The following ADGRA3 variants were observed in gnomAD, a reference collection of about 807,000 sequenced individuals.
ADGRA3 encodes the protein adhesion G protein-coupled receptor A3, also known as G-protein coupled receptor 125.
A neutral mutation model predicts 119.8 loss-of-function variants in ADGRA3; 56 were observed. The observed-to-expected ratio is 0.47, with a 90% CI of 0.38 to 0.58. The LOEUF (loss-of-function observed/expected upper bound fraction) is 0.58. ADGRA3 is among the 20% of genes least tolerant of loss of function. ADGRA3 has a pLI of 0.00. For missense variants in ADGRA3, 1,516 were observed against 1,649.0 expected (o/e 0.92, Z 1.40); for synonymous variants, 607 against 623.8 (o/e 0.97, Z 0.40).
chr4:22,476,401 A>G (rs1718046288), intron 1 of ADGRA3, among the ~76,000 whole-genome samples: 1 of 152,218 alleles, frequency 6.6e-6, no homozygotes, highest in Non-Finnish European at 1.5e-5. Flanking sequence ...GAGGTCAGTT[A>G]TAAGAAGAGT....
intron 14 of ADGRA3, among the ~76,000 whole-genome samples, chr4:22,403,800 T>C (rs531009786): frequency 1.3e-5 from 2 of 152,202 alleles, no homozygotes; most frequent in Admixed American, 6.5e-5. Context: ...TTATAGAACA[T>C]TAGACATTGA....
intron 1 of ADGRA3, among the ~76,000 whole-genome samples, chr4:22,477,195 TTATA>T (rs1718080417): frequency 6.6e-6 from 1 of 152,114 alleles, no homozygotes; most frequent in African/African-American, 2.4e-5. Flanking sequence ...CAATAAATGT[TTATA>T]TAGTGACTGA....
At chr4:22,470,224 A>C (rs1717809929) in intron 2 of ADGRA3, among the ~76,000 whole-genome samples, 1 of 152,126 alleles carries the variant, frequency 6.6e-6, no homozygotes, top group African/African-American at 2.4e-5. Context: ...TATGTTCAAA[A>C]AGGTGAACCA....
chr4:22,461,905 A>G, intron 2 of ADGRA3, 97 bp from the exon 3 acceptor site: 1 of 707,666 alleles, frequency 1.4e-6, no homozygotes, highest in Non-Finnish European at 2.3e-6. Flanking sequence ...ACAAAAGTAT[A>G]ATAATAAGAG....
chr4:22,420,489 G>A (rs1009584561), intron 12 of ADGRA3: 7 of 209,784 alleles, frequency 3.3e-5, no homozygotes, highest in Admixed American at 1.7e-4. Flanking sequence ...CTTGGCAGGC[G>A]CAGTGCCAAA....
At chr4:22,395,910 T>C (rs537447738) in intron 16 of ADGRA3, among the ~76,000 whole-genome samples, 3 of 152,214 alleles carry the variant, frequency 2.0e-5, no homozygotes, top group African/African-American at 7.2e-5. Flanking sequence ...ATACATCTCT[T>C]GTGCCATTGC....
rs139636913 is a variant in ADGRA3 at position 22,479,900 on chromosome 4, A to G, written c.258-6057T>C. On this transcript the variant is annotated intron_variant, in intron 1 of 18. Coordinates refer to ENST00000334304, the MANE Select transcript of ADGRA3 (RefSeq NM_145290.4). ...CCCAACAAACTAACACAGGAACAGA[A>G]AACCAAATACCTCACGTTCTCACTT... Among the ~76,000 whole-genome samples, 1,393 of 152,268 alleles carry G rather than the reference A, an allele frequency of 9.1e-3. 40 individuals are homozygous for G. The highest frequency in any genetic ancestry group is 0.052 in the East Asian group (268 of 5,164).
intron 10 of ADGRA3, among the ~76,000 whole-genome samples, chr4:22,434,527 A>C (rs531060800): frequency 2.0e-4 from 30 of 152,304 alleles, no homozygotes; most frequent in Admixed American, 1.2e-3. Context: ...CGTGGGCTTC[A>C]GTTTACAACT....
At chr4:22,408,274 A>AAAC (rs1020833857) in intron 14 of ADGRA3, among the ~76,000 whole-genome samples, 1 of 152,038 alleles carries the variant, frequency 6.6e-6, no homozygotes, top group African/African-American at 2.4e-5. Context: ...GCATTAACTA[A>AAAC]AACAACAACA....
At chr4:22,500,841 G>T (rs976458402) in intron 1 of ADGRA3, among the ~76,000 whole-genome samples, 4 of 152,152 alleles carry the variant, frequency 2.6e-5, no homozygotes, top group African/African-American at 9.6e-5. Context: ...GACCAAAGTA[G>T]ACTGGTCCTC....
intron 14 of ADGRA3, among the ~76,000 whole-genome samples, chr4:22,404,581 C>T (rs78833932): frequency 3.3e-5 from 5 of 152,158 alleles, no homozygotes; most frequent in African/African-American, 1.2e-4. Context: ...CGGCCATGGT[C>T]AGGCACAGTA....
chr4:22,410,531 GT>G (rs1256882694), intron 14 of ADGRA3, among the ~76,000 whole-genome samples: 7 of 151,964 alleles, frequency 4.6e-5, no homozygotes, highest in Non-Finnish European at 4.4e-5. Flanking sequence ...ATAAAGGAAA[GT>G]TTTATGGACT....
At chr4:22,443,762 A>T (rs1360431990) in intron 6 of ADGRA3, among the ~76,000 whole-genome samples, 1 of 152,190 alleles carries the variant, frequency 6.6e-6, no homozygotes, top group Non-Finnish European at 1.5e-5. Flanking sequence ...AAGTCGTAGA[A>T]GATGATACAA....
intron 1 of ADGRA3, among the ~76,000 whole-genome samples, chr4:22,486,884 G>A (rs183199543): frequency 3.3e-5 from 5 of 152,090 alleles, no homozygotes; most frequent in African/African-American, 1.2e-4. Flanking sequence ...GACAATACAA[G>A]GCTTGTGTAA....
chr4:22,500,419 T>C (rs1719011736), intron 1 of ADGRA3, among the ~76,000 whole-genome samples: 1 of 152,126 alleles, frequency 6.6e-6, no homozygotes, highest in Non-Finnish European at 1.5e-5. Flanking sequence ...CGGGGAGCAT[T>C]TGGCACAGCA....
chr4:22,503,323 T>A (rs1165189491), intron 1 of ADGRA3, among the ~76,000 whole-genome samples: 3 of 152,182 alleles, frequency 2.0e-5, no homozygotes, highest in Admixed American at 2.0e-4. Context: ...AATACACCAG[T>A]AGTCAATCTC....
chr4:22,422,020 G>C (rs1251999249), intron 11 of ADGRA3, among the ~76,000 whole-genome samples: 1 of 151,808 alleles, frequency 6.6e-6, no homozygotes, highest in Admixed American at 6.6e-5. Context: ...AGTGAACCAA[G>C]GGGAACCACC....
chr4:22,404,670 A>T (rs1714820539), intron 14 of ADGRA3, among the ~76,000 whole-genome samples: 1 of 152,238 alleles, frequency 6.6e-6, no homozygotes, highest in Non-Finnish European at 1.5e-5. Context: ...TTAAGTACAC[A>T]AAAGGGAAAA....
At chr4:22,450,181 GAACA>G (rs1446212715) in intron 4 of ADGRA3, among the ~76,000 whole-genome samples, 5 of 151,428 alleles carry the variant, frequency 3.3e-5, no homozygotes, top group African/African-American at 1.2e-4. Flanking sequence ...AGAATGACCA[GAACA>G]AAGTCACTGC....
Sources: gnomAD v4.1 joint callset for allele counts (sites outside exome capture counted in the v4.1 genomes callset) on GRCh38, gnomAD v4.1.1 for gene constraint, MANE v1.5 for transcripts, NCBI Gene and HGNC (gene_info 2026-07-23, HGNC 2026-07-21) for gene names.